The following GPATCH2 variants were observed in gnomAD, a reference collection of about 807,000 sequenced individuals.
GPATCH2 encodes the protein G-patch domain containing 2.
Under a neutral mutation model 58.0 loss-of-function variants are expected in GPATCH2, and 51 were observed. That is an observed-to-expected ratio of 0.88 (90% CI 0.70 to 1.11). The LOEUF (loss-of-function observed/expected upper bound fraction) is 1.11, where lower values mean the gene tolerates loss of function less well. GPATCH2 is among the 50% of genes most tolerant of loss of function. The pLI is 0.00. For synonymous variants in GPATCH2, 222 were observed against 218.5 expected, an observed-to-expected ratio of 1.02 and a Z score of -0.14; for missense variants, 625 against 652.2, an observed-to-expected ratio of 0.96 and a Z score of 0.45.
intron 9 of GPATCH2, among the ~76,000 whole-genome samples, chr1:217,442,901 C>T (rs1659212294): frequency 6.6e-6 from 1 of 151,980 alleles, no homozygotes; most frequent in Non-Finnish European, 1.5e-5. Flanking sequence ...TTTGCTTTTT[C>T]TGTGAATTTT....
chr1:217,580,275 C>A (rs1667006008), intron 5 of GPATCH2, among the ~76,000 whole-genome samples: 2 of 152,116 alleles, frequency 1.3e-5, no homozygotes. Context: ...ACTCCCCGAC[C>A]TTCCATGGAT....
At chr1:217,455,785 G>C (rs1050310877) in intron 8 of GPATCH2, among the ~76,000 whole-genome samples, 1 of 151,982 alleles carries the variant, frequency 6.6e-6, no homozygotes, top group African/African-American at 2.4e-5. Flanking sequence ...GCGCCCAAAA[G>C]TTGCCTTTGG....
intron 5 of GPATCH2, among the ~76,000 whole-genome samples, chr1:217,591,509 C>A (rs534933605): frequency 4.6e-5 from 7 of 152,172 alleles, no homozygotes; most frequent in African/African-American, 1.7e-4. Context: ...AATAACTAAA[C>A]CCTGGCTAAT....
At position 217,584,451 on chromosome 1, in the gene GPATCH2, C is replaced by A. The variant is rs1418454120; in HGVS notation, c.1098+25870G>T. Reference sequence around the variant, plus strand: ...GGCTGAGGCAGGAGAGTTGCTTGAACCCGGGAGGCGGAGGTTGCAGTGAGC... The same window carrying A: ...GGCTGAGGCAGGAGAGTTGCTTGAAACCGGGAGGCGGAGGTTGCAGTGAGC... On this transcript the variant is annotated intron_variant, in intron 5 of 9. Coordinates refer to ENST00000366935, the MANE Select transcript of GPATCH2 (RefSeq NM_018040.5). 2.0e-5 allele frequency among the ~76,000 whole-genome samples: 3 copies of A among 150,952 alleles called. No individual in the cohort carries two copies. In the Admixed American group the frequency reaches 2.0e-4, roughly 10 times the overall value.
chr1:217,559,715 G>T (rs890727821), intron 5 of GPATCH2, among the ~76,000 whole-genome samples: 1 of 152,184 alleles, frequency 6.6e-6, no homozygotes, highest in Non-Finnish European at 1.5e-5. Flanking sequence ...CAGCAAGTGA[G>T]CCCCAGCCCA....
intron 5 of GPATCH2, among the ~76,000 whole-genome samples, chr1:217,602,714 G>C (rs927974408): frequency 3.3e-5 from 5 of 152,262 alleles, no homozygotes; most frequent in Non-Finnish European, 5.9e-5. Flanking sequence ...AGGGAAGAAA[G>C]GGTGAAAATG....
chr1:217,513,184 G>A (rs181482829), intron 6 of GPATCH2, among the ~76,000 whole-genome samples: 10 of 152,144 alleles, frequency 6.6e-5, no homozygotes, highest in Non-Finnish European at 1.2e-4. Context: ...CAAGCTACTC[G>A]AGAGGCTGAT....
chr1:217,607,784 A>C (rs1198079281), intron 5 of GPATCH2, among the ~76,000 whole-genome samples: 2 of 152,154 alleles, frequency 1.3e-5, no homozygotes, highest in Non-Finnish European at 2.9e-5. Context: ...ACTTTCCCCC[A>C]AAAAATGTTT....
intron 5 of GPATCH2, among the ~76,000 whole-genome samples, chr1:217,598,010 C>G (rs181792518): frequency 1.3e-5 from 2 of 152,136 alleles, no homozygotes; most frequent in Non-Finnish European, 2.9e-5. Flanking sequence ...CAATGAAAAC[C>G]TTGGAAACTA....
intron 5 of GPATCH2, among the ~76,000 whole-genome samples, chr1:217,549,492 T>C (rs1447032054): frequency 6.6e-6 from 1 of 152,192 alleles, no homozygotes; most frequent in Non-Finnish European, 1.5e-5. Flanking sequence ...GAAAAGTTTA[T>C]TTGATGTAGT....
At chr1:217,478,811 T>C (rs1344175320) in intron 8 of GPATCH2, among the ~76,000 whole-genome samples, 1 of 152,020 alleles carries the variant, frequency 6.6e-6, no homozygotes, top group Non-Finnish European at 1.5e-5. Flanking sequence ...AAAAGAAAAC[T>C]ACCTCAAAAC....
At chr1:217,515,718 T>G (rs1663103325) in intron 5 of GPATCH2, among the ~76,000 whole-genome samples, 1 of 139,098 alleles carries the variant, frequency 7.2e-6, no homozygotes, top group South Asian at 2.3e-4. Context: ...AAAATAATAC[T>G]AAAAAAAAAT....
At chr1:217,513,276 A>G (rs1238007214) in intron 6 of GPATCH2, among the ~76,000 whole-genome samples, 1 of 152,004 alleles carries the variant, frequency 6.6e-6, no homozygotes, top group Non-Finnish European at 1.5e-5. Context: ...GGGTGACAAG[A>G]GGGAGACTTT....
chr1:217,492,559 T>A (rs771100457), intron 7 of GPATCH2: 5 of 152,162 alleles, frequency 3.3e-5, no homozygotes, highest in Non-Finnish European at 5.9e-5. Flanking sequence ...GAAATAATAA[T>A]ACAGGATAGA....
intron 5 of GPATCH2, among the ~76,000 whole-genome samples, chr1:217,537,207 G>A (rs1008304472): frequency 2.1e-5 from 3 of 144,922 alleles, no homozygotes; most frequent in African/African-American, 4.9e-5. Context: ...TCTGAATTTC[G>A]TCAGCTTTTT....
At chr1:217,614,332 T>A (rs913487300) in intron 2 of GPATCH2, 130 bp from the exon 3 acceptor site, 2 of 425,164 alleles carry the variant, frequency 4.7e-6, no homozygotes, top group Admixed American at 3.7e-5. Context: ...AATAAGATGA[T>A]TTTTTTTTTA....
intron 5 of GPATCH2, among the ~76,000 whole-genome samples, chr1:217,574,404 C>A (rs2102726242): frequency 6.6e-6 from 1 of 152,202 alleles, no homozygotes; most frequent in South Asian, 2.1e-4. Flanking sequence ...TAGGAATCTC[C>A]TAGAGCTCTG....
chr1:217,460,792 C>T (rs905636427), intron 8 of GPATCH2, among the ~76,000 whole-genome samples: 7 of 152,120 alleles, frequency 4.6e-5, no homozygotes, highest in East Asian at 1.9e-4. Context: ...GGAAAAAGTC[C>T]GCTCCATAAT....
rs535237225 is a variant in GPATCH2, at chr1:217,447,168, T to C, written c.1366+2081A>G. Among the ~76,000 whole-genome samples the C allele has an allele frequency of 5.9e-5, 9 of 152,336 alleles. No individual in the cohort carries two copies. In the South Asian group the frequency reaches 1.4e-3, roughly 25 times the overall value. On this transcript the variant is annotated intron_variant, in intron 9 of 9. Transcript: ENST00000366935. The stretch of plus-strand genomic sequence containing the variant: ...ACATGTGTTTCATCCAAAATGTGGC[T>C]ACATGTTCCTGTATGAAGAGATATA...
Sources: allele counts gnomAD v4.1 joint callset (sites outside exome capture counted in the v4.1 genomes callset), GRCh38; gene constraint gnomAD v4.1.1; transcripts MANE v1.5; gene names NCBI Gene and HGNC (gene_info 2026-07-23, HGNC 2026-07-21).